The following SHROOM4 variants were observed in gnomAD, a reference collection of about 807,000 sequenced individuals.
The protein encoded by SHROOM4 is shroom family member 4, also known as protein Shroom4.
Under a neutral mutation model 80.3 loss-of-function variants are expected in SHROOM4, and 17 were observed. The ratio of observed to expected loss-of-function variants is 0.21; its 90% CI spans 0.14 to 0.32. The LOEUF is 0.32. Among genes scored for constraint, SHROOM4 ranks in the 10% least tolerant of loss-of-function variants. The pLI is 1.00. For missense variants in SHROOM4, 993 were observed against 1,140.3 expected, an observed-to-expected ratio of 0.87 and a Z score of 1.86; for synonymous variants, 400 against 437.5, an observed-to-expected ratio of 0.91 and a Z score of 1.07.
At chrX:50,653,322 T>A (rs924342453) in intron 2 of SHROOM4, among the ~76,000 whole-genome samples, 1 of 111,468 alleles carries the variant, frequency 9.0e-6, no homozygotes, top group African/African-American at 3.3e-5. Context: ...ATTCTCTTTG[T>A]AGCAATTGTG....
At chrX:50,618,366 TCC>T (rs1930394440) in intron 5 of SHROOM4, among the ~76,000 whole-genome samples, 1 of 34,515 alleles carries the variant, frequency 2.9e-5, no homozygotes, top group Non-Finnish European at 5.1e-5. Flanking sequence ...CTTCCTTCCT[TCC>T]TTCCTTCCTT....
intron 1 of SHROOM4, among the ~76,000 whole-genome samples, chrX:50,737,635 T>C (rs1934527772): frequency 9.0e-6 from 1 of 111,031 alleles, no homozygotes; most frequent in African/African-American, 3.3e-5. Context: ...CAGGAAGAAG[T>C]TGAATCCCTG....
chrX:50,659,449 G>A (rs17003178), intron 2 of SHROOM4, among the ~76,000 whole-genome samples: 1,793 of 111,764 alleles, frequency 0.016, 41 homozygotes, highest in African/African-American at 0.056. Context: ...GTGTCTATTA[G>A]ATTTTTCACT....
intron 2 of SHROOM4, among the ~76,000 whole-genome samples, chrX:50,651,480 C>A (rs1569547078): frequency 9.0e-6 from 1 of 111,621 alleles, no homozygotes; most frequent in Non-Finnish European, 1.9e-5. Context: ...GTTCTATAGA[C>A]CAGCATCAGC....
At chrX:50,606,132 CA>C (rs1352705867) in intron 6 of SHROOM4, among the ~76,000 whole-genome samples, 1 of 106,507 alleles carries the variant, frequency 9.4e-6, no homozygotes, top group Non-Finnish European at 1.9e-5. Context: ...GCACATTGTG[CA>C]GGTTAGTTAC....
intron 2 of SHROOM4, among the ~76,000 whole-genome samples, chrX:50,690,438 A>G (rs1252334485): frequency 9.0e-6 from 1 of 111,682 alleles, no homozygotes; most frequent in Non-Finnish European, 1.9e-5. Context: ...TAGTCATTTA[A>G]TTTCATTCTT....
chrX:50,657,667 T>C (rs1557259576), intron 2 of SHROOM4, among the ~76,000 whole-genome samples: 1 of 110,546 alleles, frequency 9.0e-6, no homozygotes, highest in African/African-American at 3.3e-5. Flanking sequence ...AGAAGGAAAA[T>C]AATATAGCAT....
rs781994310 is a variant in SHROOM4, at chrX:50,587,141, T to A, written c.*9554A>T. 1.0e-3 allele frequency among the ~76,000 whole-genome samples: 113 copies of A among 112,019 alleles called. No individual in the cohort carries two copies. The highest frequency in any genetic ancestry group is 4.3e-4 in the Non-Finnish European group (23 of 53,179). On this transcript the variant is annotated 3_prime_UTR_variant, in exon 9 of 9. Coordinates refer to ENST00000376020, the MANE Select transcript of SHROOM4 (RefSeq NM_020717.5). Reference sequence around the variant, plus strand: ...CACATATGAGATTACGCAGTATTTTTCTTTCTGTGTCTGGTTTGTTTCACT... The same window carrying A: ...CACATATGAGATTACGCAGTATTTTACTTTCTGTGTCTGGTTTGTTTCACT...
intron 1 of SHROOM4, among the ~76,000 whole-genome samples, chrX:50,759,092 C>T (rs1935096437): frequency 9.0e-6 from 1 of 111,642 alleles, no homozygotes; most frequent in Non-Finnish European, 1.9e-5. Flanking sequence ...ACTGTCCATC[C>T]AAACTTCGTA....
At chrX:50,619,490 C>G (rs1435062787) in intron 5 of SHROOM4, among the ~76,000 whole-genome samples, 2 of 87,639 alleles carry the variant, frequency 2.3e-5, no homozygotes, top group African/African-American at 4.5e-5. Flanking sequence ...GCTGCCACCC[C>G]TGCTTGCCCC....
At chrX:50,620,896 T>C (rs996830946) in intron 5 of SHROOM4, among the ~76,000 whole-genome samples, 7 of 111,613 alleles carry the variant, frequency 6.3e-5, no homozygotes, top group African/African-American at 2.3e-4. Flanking sequence ...ATATATATTT[T>C]TTGGACATGC....
At chrX:50,690,656 T>C (rs1557262569) in intron 2 of SHROOM4, among the ~76,000 whole-genome samples, 1 of 112,850 alleles carries the variant, frequency 8.9e-6, no homozygotes, top group African/African-American at 3.2e-5. Flanking sequence ...TACATTATCA[T>C]CAGATATTTC....
chrX:50,577,603 G>A, the SHROOM4 span, among the ~76,000 whole-genome samples: 1 of 112,043 alleles, frequency 8.9e-6, no homozygotes, highest in African/African-American at 3.2e-5. Context: ...GAGGGTAGTT[G>A]GAAGCAGCAG....
chrX:50,714,269 GCT>G (rs1419491575), intron 1 of SHROOM4, among the ~76,000 whole-genome samples: 1 of 111,948 alleles, frequency 8.9e-6, no homozygotes, highest in African/African-American at 3.2e-5. Flanking sequence ...GTGCAGCTTT[GCT>G]CTTTTTGCTA....
chrX:50,813,840 C>G, intron 1 of SHROOM4, 62 bp downstream of exon 1: 1 of 926,025 alleles, frequency 1.1e-6, no homozygotes, highest in South Asian at 2.0e-5. Flanking sequence ...CAGCGGCAGC[C>G]TTCGCACCCG....
At chrX:50,722,270 C>G (rs1417963510) in intron 1 of SHROOM4, among the ~76,000 whole-genome samples, 2 of 108,455 alleles carry the variant, frequency 1.8e-5, no homozygotes, top group Non-Finnish European at 3.8e-5. Flanking sequence ...TGGGGGCCCA[C>G]AGCAATGTTC....
intron 5 of SHROOM4, among the ~76,000 whole-genome samples, chrX:50,623,248 C>T (rs1290768490): frequency 9.0e-6 from 1 of 111,064 alleles, no homozygotes; most frequent in Non-Finnish European, 1.9e-5. Flanking sequence ...AGTGCAGTAT[C>T]ACAATCTTGG....
In SHROOM4 at chrX:50,694,543, A is replaced by ATTTTTTTTTTTT. The variant is rs782530547; in HGVS notation, c.269+1231_269+1242dup. 3.0e-3 allele frequency among the ~76,000 whole-genome samples: 37 copies of ATTTTTTTTTTTT among 12,494 alleles called. 13 individuals carry two copies. The highest frequency in any genetic ancestry group is 0.016 in the East Asian group (4 of 258). 10.8% of individuals were successfully genotyped at this position (12,494 alleles called of 115,157 possible). A position where few individuals can be genotyped will look rare whatever the true frequency, so the allele number is the denominator to read the frequency against. On this transcript the variant is annotated intron_variant, in intron 2 of 8. Transcript: ENST00000376020. ...AGGTCTTTGCCCATTTTTAAGTTGG[A>ATTTTTTTTTTTT]TTTTTTTTTTTTTTTTTTTTTTTTT...
chrX:50,675,639 A>T (rs1602424906), intron 2 of SHROOM4, among the ~76,000 whole-genome samples: 1 of 111,269 alleles, frequency 9.0e-6, no homozygotes, highest in East Asian at 2.8e-4. Context: ...GTATTGAGAA[A>T]ATAGTTCTGG....
Sources: gnomAD v4.1 joint callset for allele counts (sites outside exome capture counted in the v4.1 genomes callset) on GRCh38, gnomAD v4.1.1 for gene constraint, MANE v1.5 for transcripts, NCBI Gene and HGNC (gene_info 2026-07-23, HGNC 2026-07-21) for gene names.